Variants in TMTC2 observed in about 807,000 individuals in gnomAD.
TMTC2 encodes transmembrane O-mannosyltransferase targeting cadherins 2.
Under a neutral mutation model 82.4 loss-of-function variants are expected in TMTC2, and 43 were observed. That is an observed-to-expected ratio of 0.52 (90% CI 0.41 to 0.67). The LOEUF (loss-of-function observed/expected upper bound fraction) is 0.67. TMTC2 is among the 30% of genes least tolerant of loss of function. The pLI, the probability that TMTC2 is intolerant of heterozygous loss-of-function variation, is 0.00. For synonymous variants in TMTC2, 408 were observed against 381.9 expected (o/e 1.07, Z -0.80); for missense variants, 919 against 1,012.4 (o/e 0.91, Z 1.25).
intron 1 of TMTC2, among the ~76,000 whole-genome samples, chr12:82,823,045 C>T (rs1181120783): frequency 2.0e-5 from 3 of 152,170 alleles, no homozygotes; most frequent in Admixed American, 6.5e-5. Context: ...GTATTCTGAG[C>T]ACTTTTAACT....
At chr12:83,061,475 A>T (rs1277024470) in intron 10 of TMTC2, among the ~76,000 whole-genome samples, 1 of 151,710 alleles carries the variant, frequency 6.6e-6, no homozygotes, top group Non-Finnish European at 1.5e-5. Flanking sequence ...CCACCACTAT[A>T]ATATATTACC....
At chr12:82,767,047 T>C (rs1877005796) in intron 1 of TMTC2, among the ~76,000 whole-genome samples, 1 of 152,148 alleles carries the variant, frequency 6.6e-6, no homozygotes, top group Admixed American at 6.5e-5. Flanking sequence ...TGGTATTGGC[T>C]CTGTATGTGA....
intron 11 of TMTC2, among the ~76,000 whole-genome samples, chr12:83,110,091 G>A (rs576326577): frequency 1.5e-3 from 232 of 152,176 alleles, no homozygotes; most frequent in African/African-American, 5.2e-3. Context: ...TGTCACTGAG[G>A]ATATAGAAGT....
At chr12:83,099,860 A>G (rs1035049171) in intron 11 of TMTC2, among the ~76,000 whole-genome samples, 1 of 152,080 alleles carries the variant, frequency 6.6e-6, no homozygotes, top group Non-Finnish European at 1.5e-5. Context: ...CTGAATTATT[A>G]TAGCTTTTAT....
At chr12:82,973,996 A>T (rs1472944067) in intron 7 of TMTC2, among the ~76,000 whole-genome samples, 1 of 152,212 alleles carries the variant, frequency 6.6e-6, no homozygotes, top group Non-Finnish European at 1.5e-5. Context: ...TAAGGGTACA[A>T]ATATACTCAA....
intron 2 of TMTC2, among the ~76,000 whole-genome samples, chr12:82,865,281 A>C (rs182538628): frequency 6.6e-6 from 1 of 152,138 alleles, no homozygotes; most frequent in Non-Finnish European, 1.5e-5. Flanking sequence ...ACGTGCAGAG[A>C]CACACATAGG....
intron 2 of TMTC2, among the ~76,000 whole-genome samples, chr12:82,877,952 A>G (rs964442494): frequency 2.0e-5 from 3 of 152,210 alleles, no homozygotes; most frequent in Admixed American, 2.0e-4. Context: ...AAAATCCCAG[A>G]GTAAAGAACC....
chr12:83,005,330 CAAA>C (rs35332002), intron 8 of TMTC2, among the ~76,000 whole-genome samples: 39 of 105,676 alleles, frequency 3.7e-4, no homozygotes, highest in African/African-American at 1.1e-3. Context: ...CTCTGGTCTC[CAAA>C]AAAAAAAAAA....
intron 8 of TMTC2, among the ~76,000 whole-genome samples, chr12:83,006,902 C>T (rs1323015929): frequency 6.6e-6 from 1 of 151,048 alleles, no homozygotes; most frequent in Non-Finnish European, 1.5e-5. Flanking sequence ...GGGAATTGAA[C>T]AATGAGAACA....
intron 1 of TMTC2, among the ~76,000 whole-genome samples, chr12:82,728,559 A>C (rs968917137): frequency 6.6e-6 from 1 of 152,128 alleles, no homozygotes; most frequent in African/African-American, 2.4e-5. Context: ...TGTCTCTACC[A>C]AAAATACAGA....
intron 2 of TMTC2, among the ~76,000 whole-genome samples, chr12:82,881,257 A>T (rs972638061): frequency 2.0e-5 from 3 of 152,330 alleles, no homozygotes; most frequent in African/African-American, 7.2e-5. Context: ...GTCTTATTCA[A>T]ATGGAGAATG....
chr12:82,896,174 C>T lies in TMTC2; in HGVS notation c.1011C>T (p.Cys337=). 6.2e-7 allele frequency: 1 copy of T among 1,613,936 alleles called. No homozygotes were observed. Among genetic ancestry groups the T allele is most frequent in the Non-Finnish European group, 8.5e-7 (1 of 1,180,026 alleles). The change falls in exon 3 of 12, where the codon TGC becomes TGT. Residue 337 remains cysteine, a synonymous_variant. Coordinates refer to ENST00000321196, the MANE Select transcript of TMTC2 (RefSeq NM_152588.3). ...AGAGCCCGAGCGTAGACAGAGAATG[C>T]AATGGGAAAACTGTAACAAATGGCA... The part of the protein sequence containing the change: ...GLKSPSVDRE[C]NGKTVTNGKQ...
chr12:82,761,515 G>A (rs986495037), intron 1 of TMTC2, among the ~76,000 whole-genome samples: 1 of 152,174 alleles, frequency 6.6e-6, no homozygotes, highest in African/African-American at 2.4e-5. Context: ...TCCCACATGT[G>A]GTGGGATTCT....
chr12:82,739,679 C>G (rs1875300032), intron 1 of TMTC2, among the ~76,000 whole-genome samples: 1 of 150,052 alleles, frequency 6.7e-6, no homozygotes, highest in Non-Finnish European at 1.5e-5. Flanking sequence ...GTCAATAAAC[C>G]AGACGTCTAA....
intron 1 of TMTC2, among the ~76,000 whole-genome samples, chr12:82,809,206 C>A (rs568248147): frequency 6.6e-6 from 1 of 151,928 alleles, no homozygotes; most frequent in East Asian, 1.9e-4. Flanking sequence ...GAAGAATATT[C>A]CAAATCTAGT....
intron 11 of TMTC2, among the ~76,000 whole-genome samples, chr12:83,066,402 G>C (rs1283715906): frequency 6.6e-6 from 1 of 151,880 alleles, no homozygotes; most frequent in East Asian, 1.9e-4. Context: ...TGGAAAGGAA[G>C]GGTATAGGGG....
At chr12:82,930,642 A>G in intron 4 of TMTC2, 97 bp downstream of exon 4, 2 of 679,470 alleles carry the variant, frequency 2.9e-6, no homozygotes, top group Non-Finnish European at 5.0e-6. Context: ...GATGATAGCT[A>G]TTGTCCTGAA....
intron 1 of TMTC2, among the ~76,000 whole-genome samples, chr12:82,775,578 T>C (rs893661921): frequency 2.0e-5 from 3 of 152,024 alleles, no homozygotes; most frequent in African/African-American, 4.8e-5. Flanking sequence ...GTAAAGTAAT[T>C]AGAGCTGATT....
At chr12:82,931,133 C>T (rs1023253333) in intron 4 of TMTC2, among the ~76,000 whole-genome samples, 3 of 152,032 alleles carry the variant, frequency 2.0e-5, no homozygotes, top group Admixed American at 2.0e-4. Context: ...TGGTGCCTAA[C>T]TCCTGGCCTG....
Sources: allele counts gnomAD v4.1 joint callset (sites outside exome capture counted in the v4.1 genomes callset), GRCh38; gene constraint gnomAD v4.1.1; transcripts MANE v1.5; gene names NCBI Gene and HGNC (gene_info 2026-07-23, HGNC 2026-07-21).